The following FBXO10 variants were observed in gnomAD, a reference collection of about 807,000 sequenced individuals.
The protein encoded by FBXO10 is F-box only protein 10.
A neutral mutation model predicts 80.7 loss-of-function variants in FBXO10; 39 were observed. The observed-to-expected ratio is 0.48, with a 90% confidence interval of 0.37 to 0.63. FBXO10 has a LOEUF of 0.63. Among genes scored for constraint, FBXO10 ranks in the 30% least tolerant of loss-of-function variants. The probability of loss-of-function intolerance (pLI) is 0.00; values close to 1 mark genes in which losing one functional copy is unlikely to be tolerated. For synonymous variants in FBXO10, 449 were observed against 489.6 expected, an observed-to-expected ratio of 0.92 and a Z score of 1.09; for missense variants, 1,025 against 1,269.0, an observed-to-expected ratio of 0.81 and a Z score of 2.92.
chr9:37,512,651 C>G lies in FBXO10; in HGVS notation c.2767G>C (p.Ala923Pro). 6.2e-7 allele frequency: 1 copy of G among 1,613,950 alleles called. No individual in the cohort carries two copies. Among genetic ancestry groups the G allele is most frequent in the Non-Finnish European group, 8.5e-7 (1 of 1,179,880 alleles). ...GTCACCTTCTGCCCATTGTGGGCTG[C>G]CGAGGGACGTCTGAGAGAATTTTCA... ...HLENSLRRPS[A>P]AHNGQKVTAM... Residue 923 changes from alanine to proline, a missense_variant, in exon 11 of 11, where the codon GCA (alanine) becomes CCA (proline). Transcript: ENST00000432825.
At chr9:37,569,731 G>A (rs892037153) in intron 1 of FBXO10, among the ~76,000 whole-genome samples, 7 of 152,198 alleles carry the variant, frequency 4.6e-5, no homozygotes, top group Non-Finnish European at 1.0e-4. Context: ...GCTACCTGGG[G>A]AGACTGAAGC....
intron 1 of FBXO10, among the ~76,000 whole-genome samples, chr9:37,569,646 A>G (rs531900517): frequency 6.6e-6 from 1 of 152,354 alleles, no homozygotes; most frequent in East Asian, 1.9e-4. Flanking sequence ...GAGCTCTAAC[A>G]GAAGTATCAA....
intron 1 of FBXO10, among the ~76,000 whole-genome samples, chr9:37,572,269 T>C (rs905410379): frequency 3.3e-5 from 5 of 152,098 alleles, no homozygotes; most frequent in Non-Finnish European, 5.9e-5. Flanking sequence ...ATGAAGCAAC[T>C]GGAACTCTCA....
intron 4 of FBXO10, 92 bp from the exon 5 acceptor site, chr9:37,529,352 GAACACA>G: frequency 7.3e-7 from 1 of 1,378,690 alleles, no homozygotes; most frequent in Admixed American, 2.1e-5. Flanking sequence ...GCGGCAGGAT[GAACACA>G]GTGGAGAAAA....
intron 1 of FBXO10, among the ~76,000 whole-genome samples, chr9:37,545,063 G>A (rs965200019): frequency 6.6e-6 from 1 of 151,440 alleles, no homozygotes; most frequent in Non-Finnish European, 1.5e-5. Flanking sequence ...GGGAAAGGCT[G>A]GGCTCCTGAC....
Position 37,537,372 on chromosome 9 carries a change from C to G in FBXO10, c.1157G>C (p.Gly386Ala). ...TAGAGGTGGGCCCAGAAATGAGCCC[C>G]CCAATACAGGGCGTGGGCCCTGCAC... is the stretch of plus-strand genomic sequence containing the variant. ...YQVQGPRPVL[G>A]GSFLGPPLPG... is the part of the protein sequence containing the mutation. Residue 386 changes from glycine (G) to alanine (A), a missense_variant, in exon 3 of 11, where the codon GGG becomes GCG. Physicochemically the swap from Gly to Ala is moderately conservative, Grantham distance 60. Coordinates refer to ENST00000432825, the MANE Select transcript of FBXO10 (RefSeq NM_012166.3). 1 of 1,598,042 alleles carries G rather than the reference C, an allele frequency of 6.3e-7. No homozygotes were observed. The highest frequency in any genetic ancestry group is 8.5e-7 in the Non-Finnish European group (1 of 1,171,816).
chr9:37,516,974 A>C (rs1239401020), intron 9 of FBXO10, among the ~76,000 whole-genome samples: 7 of 151,342 alleles, frequency 4.6e-5, no homozygotes, highest in Non-Finnish European at 7.4e-5. Flanking sequence ...AAAAAAAAAA[A>C]CAAAAAAAAG....
chr9:37,570,180 G>A (rs1156955078), intron 1 of FBXO10, among the ~76,000 whole-genome samples: 7 of 152,128 alleles, frequency 4.6e-5, no homozygotes, highest in South Asian at 2.1e-4. Context: ...GCATGGTGGC[G>A]CATGCATGCA....
At position 37,518,173 on chromosome 9, in the gene FBXO10, A is replaced by G. The variant is rs1167812763; in HGVS notation, c.2466T>C (p.Ile822=). Residue 822 remains isoleucine, a synonymous_variant, in exon 9 of 11, where the codon ATT becomes ATC. Transcript: ENST00000432825. ...DSTIVIENDI[I]GNRGSGLQLL... is the part of the protein sequence containing the mutation. ...GCTGCAGCCCGCTGCCCCGGTTGCC[A>G]ATGATATCGTTTTCAATGACGATGG... 9 of 1,613,898 alleles carry G rather than the reference A, an allele frequency of 5.6e-6. No individual in the cohort carries two copies. Among genetic ancestry groups the G allele is most frequent in the South Asian group, 1.1e-5 (1 of 91,086 alleles).
intron 8 of FBXO10, among the ~76,000 whole-genome samples, chr9:37,519,712 G>C (rs1319203636): frequency 1.3e-5 from 2 of 152,192 alleles, no homozygotes. Context: ...CCTGGGAGGA[G>C]ACAGAACTCA....
intron 2 of FBXO10, 122 bp from the exon 3 acceptor site, chr9:37,538,065 C>A: frequency 1.4e-6 from 1 of 733,040 alleles, no homozygotes. Flanking sequence ...CTTCCCCTCC[C>A]CACTGGGGTC....
In FBXO10 at chr9:37,521,722, T is replaced by TGGAGCCATCCTTCTGGCTA; in HGVS notation, c.2028_2046dup (p.Ser683Ter). On this transcript the variant is annotated stop_gained and frameshift_variant, in exon 8 of 11. Transcript: ENST00000432825. LOFTEE classifies it high-confidence loss of function. ...GCCCTGTGGCCTCGAGGTAACTCGC[T>TGGAGCCATCCTTCTGGCTA]GGAGCCATCCTTCTGGCTAAATACT... 1 of 1,613,976 alleles carries TGGAGCCATCCTTCTGGCTA rather than the reference T, an allele frequency of 6.2e-7. No individual in the cohort carries two copies. Among genetic ancestry groups the TGGAGCCATCCTTCTGGCTA allele is most frequent in the South Asian group, 1.1e-5 (1 of 91,082 alleles).
intron 4 of FBXO10, among the ~76,000 whole-genome samples, chr9:37,529,500 C>A (rs1324044868): frequency 6.6e-6 from 1 of 152,208 alleles, no homozygotes. Context: ...GCTGCCCAGC[C>A]TCTTAGGAGG....
intron 1 of FBXO10, among the ~76,000 whole-genome samples, chr9:37,552,709 AAAAG>A: frequency 6.6e-6 from 1 of 151,974 alleles, no homozygotes. Context: ...AAAAAAAAAA[AAAAG>A]AACAGACATT....
intron 1 of FBXO10, among the ~76,000 whole-genome samples, chr9:37,544,720 C>T (rs185338131): frequency 5.3e-5 from 8 of 152,032 alleles, no homozygotes; most frequent in South Asian, 2.1e-4. Flanking sequence ...AGCGGCCGGG[C>T]GCGGTGGCTC....
rs1292302377 is a variant in FBXO10 at position 37,518,454 on chromosome 9, T to C, written c.2201-16A>G. 5 of 1,561,668 alleles carry C rather than the reference T, an allele frequency of 3.2e-6. No individual in the cohort carries two copies. Among genetic ancestry groups the C allele is most frequent in the Non-Finnish European group, 2.6e-6 (3 of 1,152,318 alleles). On this transcript the variant is annotated splice_polypyrimidine_tract_variant and intron_variant, in intron 8 of 10. Transcript: ENST00000432825. ...AGTCCTGAGGCTATGGGTGGAAGGG[T>C]TGGAAAGCACAGGGGGTCCCAGGGT...
chr9:37,552,152 C>T (rs937983181), intron 1 of FBXO10, among the ~76,000 whole-genome samples: 8 of 152,218 alleles, frequency 5.3e-5, no homozygotes, highest in Non-Finnish European at 2.9e-5. Context: ...TCTCCTATAT[C>T]CCTTCTTTCC....
At chr9:37,574,943 T>G (rs2119215574) in intron 1 of FBXO10, among the ~76,000 whole-genome samples, 1 of 152,268 alleles carries the variant, frequency 6.6e-6, no homozygotes, top group South Asian at 2.1e-4. Flanking sequence ...AGATTAGAAC[T>G]GAGGGAAAGC....
chr9:37,545,297 C>A (rs1826094670), intron 1 of FBXO10, among the ~76,000 whole-genome samples: 1 of 151,004 alleles, frequency 6.6e-6, no homozygotes, highest in Admixed American at 6.6e-5. Flanking sequence ...CTGCCTCAGC[C>A]TCCTGAGTAG....
Sources: gnomAD v4.1 joint callset for allele counts (sites outside exome capture counted in the v4.1 genomes callset) on GRCh38, gnomAD v4.1.1 for gene constraint, MANE v1.5 for transcripts, NCBI Gene and HGNC (gene_info 2026-07-23, HGNC 2026-07-21) for gene names.